Variants in BEND7 observed in about 807,000 individuals in gnomAD.
BEND7 encodes BEN domain-containing protein 7.
Under a neutral mutation model 50.9 loss-of-function variants are expected in BEND7, and 28 were observed. That is an observed-to-expected ratio of 0.55 (90% CI 0.41 to 0.75). BEND7 has a LOEUF of 0.75. BEND7 is among the 30% of genes least tolerant of loss of function. The pLI is 0.00. For synonymous variants in BEND7, 170 were observed against 183.9 expected, an observed-to-expected ratio of 0.92 and a Z score of 0.61; for missense variants, 477 against 491.3, an observed-to-expected ratio of 0.97 and a Z score of 0.28.
intron 5 of BEND7, 22 bp downstream of exon 5, chr10:13,492,589 C>T: frequency 1.2e-6 from 2 of 1,612,252 alleles, no homozygotes; most frequent in Non-Finnish European, 8.5e-7. Context: ...TTAGAGTCAG[C>T]AGCCAGAAAA....
chr10:13,501,103 A>C (rs555840281), intron 2 of BEND7, among the ~76,000 whole-genome samples: 6 of 152,232 alleles, frequency 3.9e-5, no homozygotes, highest in Admixed American at 2.6e-4. Flanking sequence ...GGCCGGGCAC[A>C]GTGGCTCACG....
chr10:13,525,797 C>A (rs946240383), intron 2 of BEND7, among the ~76,000 whole-genome samples: 2 of 152,074 alleles, frequency 1.3e-5, no homozygotes, highest in Non-Finnish European at 2.9e-5. Flanking sequence ...GATGTAATAC[C>A]CCAATTACAC....
intron 6 of BEND7, among the ~76,000 whole-genome samples, chr10:13,476,040 T>C (rs2075404344): frequency 6.6e-6 from 1 of 152,144 alleles, no homozygotes; most frequent in Non-Finnish European, 1.5e-5. Flanking sequence ...CGATGCAAAT[T>C]CCACCCCAAC....
At chr10:13,477,189 AAAC>A (rs2075512801) in intron 6 of BEND7, among the ~76,000 whole-genome samples, 1 of 152,152 alleles carries the variant, frequency 6.6e-6, no homozygotes, top group South Asian at 2.1e-4. Flanking sequence ...CTTTTGTTTG[AAAC>A]AAAATTGAAC....
intron 4 of BEND7, among the ~76,000 whole-genome samples, chr10:13,495,418 T>A (rs1264720427): frequency 2.6e-5 from 4 of 152,168 alleles, no homozygotes; most frequent in Non-Finnish European, 5.9e-5. Flanking sequence ...TCCCAGCACT[T>A]TGGGAGGCTG....
chr10:13,487,054 C>T (rs2076270186), intron 5 of BEND7, among the ~76,000 whole-genome samples: 1 of 152,254 alleles, frequency 6.6e-6, no homozygotes, highest in Admixed American at 6.5e-5. Context: ...AATTTTCCTT[C>T]ATGTGCTCCT....
At position 13,504,813 on chromosome 10, in the gene BEND7, ATAC is replaced by A. The variant is rs773115495; in HGVS notation, c.146-4736_146-4734del. On this transcript the variant is annotated intron_variant, in intron 2 of 8. Coordinates refer to ENST00000466271, the MANE Select transcript of BEND7 (RefSeq NM_001369863.1). ...TGAAATCCTTTGGAGTTTAGTAACT[ATAC>A]TCCTTGGACAAGATCTAAAAAGATT... Among the ~76,000 whole-genome samples the A allele has an allele frequency of 1.3e-4, 20 of 152,364 alleles. No individual in the cohort carries two copies. In the East Asian group the frequency reaches 1.7e-3, roughly 13 times the overall value.
chr10:13,494,194 G>A (rs371764710), intron 4 of BEND7, among the ~76,000 whole-genome samples: 10 of 152,172 alleles, frequency 6.6e-5, no homozygotes, highest in African/African-American at 9.6e-5. Context: ...CGAGGTGGGC[G>A]GATCACGAGG....
chr10:13,470,706 G>A (rs900378147), intron 6 of BEND7, among the ~76,000 whole-genome samples: 3 of 152,192 alleles, frequency 2.0e-5, no homozygotes, highest in Admixed American at 6.5e-5. Context: ...GACTCACTGT[G>A]GCCCCAACGG....
At chr10:13,525,538 T>C (rs1473754743) in intron 2 of BEND7, among the ~76,000 whole-genome samples, 3 of 152,102 alleles carry the variant, frequency 2.0e-5, no homozygotes, top group Non-Finnish European at 4.4e-5. Context: ...GTCAGGAAAA[T>C]GAGGAGCTGC....
chr10:13,519,368 C>T (rs1180431172), intron 2 of BEND7, among the ~76,000 whole-genome samples: 4 of 151,568 alleles, frequency 2.6e-5, no homozygotes, highest in Admixed American at 1.3e-4. Flanking sequence ...CCCAGCTACT[C>T]GGGAGGCTGA....
chr10:13,500,681 T>C, intron 2 of BEND7: 1 of 985,564 alleles, frequency 1.0e-6, no homozygotes, highest in Non-Finnish European at 1.2e-6. Context: ...AGACATCACC[T>C]TCAGAGAGGA....
rs200035002 is a variant in BEND7, at chr10:13,441,726, T to C, written c.*17A>G. On this transcript the variant is annotated 3_prime_UTR_variant, in exon 9 of 9. Transcript: ENST00000466271. ...CATGGTGCAAAAAACACAAGAGCTGTGGTTTGCAGTCCTTCATCAGACCAC... is the reference window on the plus strand; with the variant it reads ...CATGGTGCAAAAAACACAAGAGCTGCGGTTTGCAGTCCTTCATCAGACCAC... 2.1e-3 allele frequency: 3,359 copies of C among 1,613,790 alleles called. 74 individuals carry two copies. The South Asian group carries it at 0.028, about 14-fold the overall frequency.
chr10:13,439,600 A>G (rs1835087051), downstream of BEND7: 6 of 1,144,612 alleles, frequency 5.2e-6, no homozygotes, highest in Admixed American at 1.7e-4. Flanking sequence ...AGTGCAAGTG[A>G]CACCCCTCCT....
At chr10:13,515,597 C>T (rs2078609296) in intron 2 of BEND7, among the ~76,000 whole-genome samples, 1 of 152,118 alleles carries the variant, frequency 6.6e-6, no homozygotes, top group South Asian at 2.1e-4. Flanking sequence ...AATAAGCTAT[C>T]CTTTGTAGAG....
At chr10:13,473,581 G>A (rs542983726) in intron 6 of BEND7, among the ~76,000 whole-genome samples, 26 of 142,736 alleles carry the variant, frequency 1.8e-4, no homozygotes, top group South Asian at 9.1e-4. Flanking sequence ...TATTGTCATC[G>A]CTGTTAGACT....
chr10:13,455,053 T>A (rs888854025), intron 6 of BEND7, among the ~76,000 whole-genome samples: 5 of 152,010 alleles, frequency 3.3e-5, no homozygotes, highest in Admixed American at 3.3e-4. Context: ...GCGCCTGCAG[T>A]CCCAGCTACT....
chr10:13,441,919 TTAGA>T, intron 8 of BEND7, 169 bp from the exon 9 acceptor site: 1 of 664,360 alleles, frequency 1.5e-6, no homozygotes, highest in Middle Eastern at 3.7e-4. Context: ...TGTCTAGTAG[TTAGA>T]TTGATTCTAC....
intron 4 of BEND7, among the ~76,000 whole-genome samples, chr10:13,494,025 T>C (rs1189137684): frequency 5.3e-5 from 8 of 152,356 alleles, no homozygotes; most frequent in East Asian, 1.9e-4. Flanking sequence ...AGCAAACTAA[T>C]TGCACTACAT....
Sources: gnomAD v4.1 joint callset for allele counts (sites outside exome capture counted in the v4.1 genomes callset) on GRCh38, gnomAD v4.1.1 for gene constraint, MANE v1.5 for transcripts, NCBI Gene and HGNC (gene_info 2026-07-23, HGNC 2026-07-21) for gene names.